The following SHISA9 variants were observed in gnomAD, a reference collection of about 807,000 sequenced individuals.
SHISA9 encodes shisa family member 9, also known as protein shisa-9.
A neutral mutation model predicts 38.0 loss-of-function variants in SHISA9; 13 were observed. The ratio of observed to expected loss-of-function variants is 0.34; its 90% confidence interval spans 0.22 to 0.54. SHISA9 has a LOEUF of 0.54. SHISA9 is among the 20% of genes least tolerant of loss of function. The pLI is 0.91. For missense variants in SHISA9, 538 were observed against 575.8 expected (o/e 0.93, Z 0.67); for synonymous variants, 275 against 242.0 (o/e 1.14, Z -1.27).
the SHISA9 span, among the ~76,000 whole-genome samples, chr16:13,404,870 G>A: frequency 6.6e-6 from 1 of 152,220 alleles, no homozygotes; most frequent in South Asian, 2.1e-4. Context: ...GGGCTTTTAA[G>A]GTAGGTTTCC....
chr16:13,477,357 G>T, the SHISA9 span, among the ~76,000 whole-genome samples: 1 of 152,110 alleles, frequency 6.6e-6, no homozygotes, highest in Non-Finnish European at 1.5e-5. Flanking sequence ...AAGTGATAGA[G>T]AAAAAGGAAA....
At chr16:13,440,940 A>C in the SHISA9 span, among the ~76,000 whole-genome samples, 9 of 151,922 alleles carry the variant, frequency 5.9e-5, no homozygotes, top group Admixed American at 3.3e-4. Context: ...AAAAAAAAAA[A>C]GTCATTGATA....
At chr16:12,989,142 A>C (rs1478785944) in intron 2 of SHISA9, among the ~76,000 whole-genome samples, 1 of 152,126 alleles carries the variant, frequency 6.6e-6, no homozygotes, top group Admixed American at 6.5e-5. Flanking sequence ...TTGAAACAGA[A>C]ATGAAAACTG....
intron 2 of SHISA9, among the ~76,000 whole-genome samples, chr16:13,132,251 T>C (rs2141988088): frequency 6.6e-6 from 1 of 152,244 alleles, no homozygotes; most frequent in Non-Finnish European, 1.5e-5. Context: ...GGGATAGTAA[T>C]AGTATCCCCA....
chr16:13,192,063 G>A (rs1250729223), intron 2 of SHISA9, among the ~76,000 whole-genome samples: 1 of 152,194 alleles, frequency 6.6e-6, no homozygotes, highest in Non-Finnish European at 1.5e-5. Flanking sequence ...ATGAAATCAT[G>A]TCCTTTGCAG....
At chr16:13,112,676 G>A (rs1026709014) in intron 2 of SHISA9, among the ~76,000 whole-genome samples, 9 of 151,888 alleles carry the variant, frequency 5.9e-5, no homozygotes, top group African/African-American at 2.2e-4. Flanking sequence ...GGTTCTTCTG[G>A]TTTGTGAGTG....
chr16:13,235,523 C>G lies in SHISA9; in HGVS notation c.*114C>G, dbSNP rs2051374917. ...ATACATGCGTCCACACACTCACTCT[C>G]AACAAGAACCAACTCTAAACCTACT... On this transcript the variant is annotated 3_prime_UTR_variant, in exon 5 of 5. Coordinates refer to ENST00000558583, the MANE Select transcript of SHISA9 (RefSeq NM_001145204.3). 1.6e-6 allele frequency: 2 copies of G among 1,249,210 alleles called. No homozygotes were observed. Among genetic ancestry groups the G allele is most frequent in the Admixed American group, 2.8e-5 (1 of 35,198 alleles). 77.4% of individuals were successfully genotyped at this position (1,249,210 alleles called of 1,614,324 possible). A position where few individuals can be genotyped will look rare whatever the true frequency, so the allele number is the denominator to read the frequency against.
At chr16:13,455,399 G>T in the SHISA9 span, among the ~76,000 whole-genome samples, 1 of 152,146 alleles carries the variant, frequency 6.6e-6, no homozygotes, top group South Asian at 2.1e-4. Flanking sequence ...GGCTTCAAGT[G>T]CACCTTCAAT....
chr16:13,219,883 A>G (rs572714656), intron 4 of SHISA9, among the ~76,000 whole-genome samples: 1 of 152,124 alleles, frequency 6.6e-6, no homozygotes, highest in Non-Finnish European at 1.5e-5. Flanking sequence ...ACTTGAACCC[A>G]GGAGGCGGAG....
At chr16:13,294,911 T>C in the SHISA9 span, among the ~76,000 whole-genome samples, 1 of 152,172 alleles carries the variant, frequency 6.6e-6, no homozygotes, top group African/African-American at 2.4e-5. Context: ...GCAGTAACCG[T>C]TCTAACATTT....
chr16:13,504,375 A>G, the SHISA9 span, among the ~76,000 whole-genome samples: 1 of 152,196 alleles, frequency 6.6e-6, no homozygotes. Flanking sequence ...TCCAAAACCC[A>G]TAAGGTCCCT....
intron 4 of SHISA9, among the ~76,000 whole-genome samples, chr16:13,221,095 G>C (rs2051220162): frequency 6.6e-6 from 1 of 151,976 alleles, no homozygotes; most frequent in Non-Finnish European, 1.5e-5. Flanking sequence ...GACTAAAAAA[G>C]GGCCAGGCTC....
chr16:12,935,916 G>A (rs1168712256), intron 2 of SHISA9, among the ~76,000 whole-genome samples: 2 of 151,768 alleles, frequency 1.3e-5, no homozygotes, highest in African/African-American at 4.8e-5. Flanking sequence ...GGAGATGTGA[G>A]TGGACATGAG....
At chr16:13,197,218 G>T (rs956069166) in intron 2 of SHISA9, among the ~76,000 whole-genome samples, 1 of 151,624 alleles carries the variant, frequency 6.6e-6, no homozygotes, top group Non-Finnish European at 1.5e-5. Flanking sequence ...TCTGGAACAC[G>T]GTGTGTGCTC....
At chr16:13,186,708 G>T (rs1026485817) in intron 2 of SHISA9, among the ~76,000 whole-genome samples, 1 of 152,102 alleles carries the variant, frequency 6.6e-6, no homozygotes, top group African/African-American at 2.4e-5. Context: ...ACTCTGCATT[G>T]CTGAATAATA....
intron 2 of SHISA9, among the ~76,000 whole-genome samples, chr16:12,994,853 G>T (rs138309396): frequency 6.6e-6 from 1 of 152,262 alleles, no homozygotes; most frequent in East Asian, 1.9e-4. Flanking sequence ...CTATGATTAA[G>T]AAGACCAAGA....
intron 2 of SHISA9, among the ~76,000 whole-genome samples, chr16:12,929,765 A>G (rs1000895321): frequency 1.3e-5 from 2 of 152,128 alleles, no homozygotes; most frequent in Non-Finnish European, 2.9e-5. Flanking sequence ...AAAGCCCTGC[A>G]CATCCTGCAC....
chr16:12,968,997 A>T (rs1318742965), intron 2 of SHISA9, among the ~76,000 whole-genome samples: 1 of 151,996 alleles, frequency 6.6e-6, no homozygotes, highest in Admixed American at 6.6e-5. Flanking sequence ...TCTACTAAAA[A>T]TACAAAACAA....
At chr16:13,129,522 A>T (rs866706229) in intron 2 of SHISA9, among the ~76,000 whole-genome samples, 19 of 152,192 alleles carry the variant, frequency 1.2e-4, no homozygotes, top group Admixed American at 7.2e-4. Flanking sequence ...GAACTGTCAT[A>T]TGGCTATACC....
Sources: gnomAD v4.1 joint callset for allele counts (sites outside exome capture counted in the v4.1 genomes callset) on GRCh38, gnomAD v4.1.1 for gene constraint, MANE v1.5 for transcripts, NCBI Gene and HGNC (gene_info 2026-07-23, HGNC 2026-07-21) for gene names.